The following AK5 variants were observed in gnomAD, a reference collection of about 807,000 sequenced individuals.
AK5 encodes the protein adenylate kinase 5.
Under a neutral mutation model 69.5 loss-of-function variants are expected in AK5, and 27 were observed. The ratio of observed to expected loss-of-function variants is 0.39; its 90% confidence interval spans 0.29 to 0.54. The LOEUF is 0.54. Ranked by LOEUF, AK5 falls within the 20% of genes least tolerant of loss-of-function variation. The pLI, the probability that AK5 is intolerant of heterozygous loss-of-function variation, is 0.71. For synonymous variants in AK5, 260 were observed against 244.4 expected (o/e 1.06, Z -0.60); for missense variants, 531 against 700.4 (o/e 0.76, Z 2.73).
At chr1:77,474,350 T>A (rs577136016) in intron 8 of AK5, among the ~76,000 whole-genome samples, 2 of 152,316 alleles carry the variant, frequency 1.3e-5, no homozygotes, top group African/African-American at 4.8e-5. Flanking sequence ...GGATATCATC[T>A]TTCATTCCTC....
intron 8 of AK5, among the ~76,000 whole-genome samples, chr1:77,451,454 C>T (rs978561450): frequency 4.6e-5 from 7 of 152,146 alleles, no homozygotes; most frequent in African/African-American, 1.7e-4. Flanking sequence ...TTGCAGAACG[C>T]CTGTTTTTCC....
At chr1:77,539,398 C>T (rs567532877) in intron 13 of AK5, among the ~76,000 whole-genome samples, 5 of 152,296 alleles carry the variant, frequency 3.3e-5, no homozygotes, top group African/African-American at 4.8e-5. Context: ...CTCTCCAGCC[C>T]GGACTGCAGA....
intron 6 of AK5, among the ~76,000 whole-genome samples, chr1:77,395,169 C>T (rs1648748841): frequency 6.6e-6 from 1 of 152,094 alleles, no homozygotes; most frequent in African/African-American, 2.4e-5. Context: ...GAAAAGGGGT[C>T]CTGCAAAATG....
At chr1:77,526,733 C>T (rs1658313432) in intron 12 of AK5, among the ~76,000 whole-genome samples, 1 of 151,340 alleles carries the variant, frequency 6.6e-6, no homozygotes, top group Non-Finnish European at 1.5e-5. Context: ...CTCAGCCTCC[C>T]AAAGTGCTGG....
intron 6 of AK5, among the ~76,000 whole-genome samples, chr1:77,364,023 T>C (rs529260877): frequency 6.6e-6 from 1 of 152,276 alleles, no homozygotes; most frequent in Non-Finnish European, 1.5e-5. Flanking sequence ...GCATGGTACG[T>C]GGAAAGTGTT....
chr1:77,438,685 C>G (rs1039085731), intron 8 of AK5, among the ~76,000 whole-genome samples: 1 of 152,110 alleles, frequency 6.6e-6, no homozygotes, highest in South Asian at 2.1e-4. Flanking sequence ...AATTAGAGTG[C>G]TCACAAAAAT....
intron 8 of AK5, among the ~76,000 whole-genome samples, chr1:77,467,469 T>C (rs1654213987): frequency 6.6e-6 from 1 of 152,244 alleles, no homozygotes; most frequent in Non-Finnish European, 1.5e-5. Context: ...GATTTGGAAA[T>C]GTGCCTTTGT....
At chr1:77,491,702 G>T (rs556583243) in intron 10 of AK5, among the ~76,000 whole-genome samples, 1 of 152,150 alleles carries the variant, frequency 6.6e-6, no homozygotes, top group Non-Finnish European at 1.5e-5. Flanking sequence ...GAAAGAACTC[G>T]GATTATTTTA....
At chr1:77,485,777 T>G (rs151118663) in intron 9 of AK5, among the ~76,000 whole-genome samples, 1 of 152,256 alleles carries the variant, frequency 6.6e-6, no homozygotes, top group African/African-American at 2.4e-5. Flanking sequence ...CACCAAAAGT[T>G]GATCGTGCAT....
chr1:77,432,744 G>A (rs960428215), intron 8 of AK5, among the ~76,000 whole-genome samples: 8 of 152,078 alleles, frequency 5.3e-5, no homozygotes, highest in South Asian at 2.1e-4. Flanking sequence ...TAGTGGAAGC[G>A]TAGACTTTTT....
At chr1:77,522,585 A>G (rs534378601) in intron 12 of AK5, among the ~76,000 whole-genome samples, 1 of 152,192 alleles carries the variant, frequency 6.6e-6, no homozygotes, top group South Asian at 2.1e-4. Flanking sequence ...CCCTCCCACT[A>G]TCCTCCCACC....
chr1:77,443,819 A>G (rs1367457080), intron 8 of AK5, among the ~76,000 whole-genome samples: 11 of 151,808 alleles, frequency 7.2e-5, no homozygotes, highest in Admixed American at 7.2e-4. Flanking sequence ...ACTTTATTGT[A>G]TATGTGTAAG....
chr1:77,337,965 A>ATT (rs59174301), intron 5 of AK5, among the ~76,000 whole-genome samples: 1 of 145,084 alleles, frequency 6.9e-6, no homozygotes, highest in African/African-American at 2.5e-5. Context: ...TTTTCTTTTT[A>ATT]TTTTTTTTTT....
At chr1:77,517,068 C>T (rs12145231) in intron 10 of AK5, among the ~76,000 whole-genome samples, 27 of 136,246 alleles carry the variant, frequency 2.0e-4, no homozygotes, top group Non-Finnish European at 3.0e-4. Flanking sequence ...AAGACCATCT[C>T]AAAAAAAAAA....
chr1:77,328,295 T>C (rs1172528144), intron 5 of AK5, among the ~76,000 whole-genome samples: 1 of 152,070 alleles, frequency 6.6e-6, no homozygotes, highest in Non-Finnish European at 1.5e-5. Context: ...GGTCAGGAGT[T>C]CAAGACCAGC....
chr1:77,542,451 A>G (rs1044027348), intron 13 of AK5, among the ~76,000 whole-genome samples: 1 of 152,330 alleles, frequency 6.6e-6, no homozygotes, highest in Non-Finnish European at 1.5e-5. Context: ...CTGAGGAGGT[A>G]GCATTTGAAT....
chr1:77,439,518 T>C (rs1652171784), intron 8 of AK5, among the ~76,000 whole-genome samples: 1 of 152,134 alleles, frequency 6.6e-6, no homozygotes, highest in Non-Finnish European at 1.5e-5. Flanking sequence ...ACTGCATTTT[T>C]ATACCCATTA....
At chr1:77,443,300 A>G (rs6658302) in intron 8 of AK5, among the ~76,000 whole-genome samples, 43,985 of 151,924 alleles carry the variant, frequency 0.29, 6,552 homozygotes, top group East Asian at 0.44. Context: ...ACTGACTCGT[A>G]TTACTCCCTA....
At chr1:77,326,330 G>A (rs901266742) in intron 5 of AK5, among the ~76,000 whole-genome samples, 2 of 151,972 alleles carry the variant, frequency 1.3e-5, no homozygotes, top group Admixed American at 1.3e-4. Context: ...GTGTGAAATA[G>A]GACTATATTA....
Sources: gnomAD v4.1 joint callset for allele counts (sites outside exome capture counted in the v4.1 genomes callset) on GRCh38, gnomAD v4.1.1 for gene constraint, MANE v1.5 for transcripts, NCBI Gene and HGNC (gene_info 2026-07-23, HGNC 2026-07-21) for gene names.